The following QRICH1 variants were observed in gnomAD, a reference collection of about 807,000 sequenced individuals.
QRICH1 encodes the protein transcriptional regulator QRICH1.
Under a neutral mutation model 87.1 loss-of-function variants are expected in QRICH1, and 16 were observed. The observed-to-expected ratio is 0.18, with a 90% CI of 0.12 to 0.28. QRICH1 has a LOEUF of 0.28. QRICH1 is among the 10% of genes least tolerant of loss of function. QRICH1 has a pLI of 1.00. For missense variants in QRICH1, 647 were observed against 951.7 expected, an observed-to-expected ratio of 0.68 and a Z score of 4.21; for synonymous variants, 367 against 368.4, an observed-to-expected ratio of 1.00 and a Z score of 0.05.
chr3:49,069,861 G>GTT (rs1343662472), intron 2 of QRICH1, among the ~76,000 whole-genome samples: 2 of 152,058 alleles, frequency 1.3e-5, no homozygotes, highest in Non-Finnish European at 2.9e-5. Context: ...AATGTGAGCT[G>GTT]TAAGTATACA....
In QRICH1 at chr3:49,069,542, A is replaced by AT. The variant is rs1207477854; in HGVS notation, c.309+7166_309+7167insA. Among the ~76,000 whole-genome samples, 577 of 109,384 alleles carry AT rather than the reference A, an allele frequency of 5.3e-3. 2 individuals are homozygous for AT. The highest frequency in any genetic ancestry group is 7.2e-3 in the Non-Finnish European group (403 of 55,638). The allele number at this position is 109,384 out of a possible 152,430, so 71.8% of individuals were successfully genotyped here. ...GCGAAAATACAGATCCATGGGGGGG[A>AT]ATTTTTTTTTTTTTTTTTTTTTTGA... is the stretch of plus-strand genomic sequence containing the variant. On this transcript the variant is annotated intron_variant, in intron 2 of 9. Transcript: ENST00000395443.
intron 3 of QRICH1, 41 bp from the exon 4 acceptor site, chr3:49,047,287 A>G (rs371423749): frequency 4.4e-5 from 69 of 1,552,638 alleles, no homozygotes; most frequent in Non-Finnish European, 5.4e-5. Flanking sequence ...ATATTGTTTT[A>G]TATTAGATCC....
At chr3:49,032,094 C>T (rs1457108898) in intron 9 of QRICH1, 89 bp downstream of exon 9, 8 of 1,084,888 alleles carry the variant, frequency 7.4e-6, no homozygotes, top group Non-Finnish European at 1.1e-5. Flanking sequence ...GAATGCCTCT[C>T]CCCTATGATA....
chr3:49,035,962 C>T (rs955431295), intron 6 of QRICH1, among the ~76,000 whole-genome samples: 1 of 151,186 alleles, frequency 6.6e-6, no homozygotes, highest in African/African-American at 2.4e-5. Context: ...TATGCACCTG[C>T]AGTCCCAGCT....
intron 6 of QRICH1, among the ~76,000 whole-genome samples, chr3:49,035,388 A>C (rs1575322200): frequency 1.3e-5 from 2 of 152,298 alleles, no homozygotes; most frequent in Admixed American, 1.3e-4. Flanking sequence ...TTCTTAAAAA[A>C]ATAATTTTTC....
At chr3:49,052,575 G>A (rs550960691) in intron 3 of QRICH1, among the ~76,000 whole-genome samples, 212 of 152,140 alleles carry the variant, frequency 1.4e-3, no homozygotes, top group African/African-American at 4.9e-3. Context: ...GCGCGATCTC[G>A]GCTCACTGCA....
chr3:49,066,926 G>A (rs915651065), intron 2 of QRICH1, among the ~76,000 whole-genome samples: 8 of 151,590 alleles, frequency 5.3e-5, no homozygotes, highest in East Asian at 3.9e-4. Flanking sequence ...TAATCCCAGC[G>A]ACTCAGGAGG....
chr3:49,069,987 G>A (rs1220297908), intron 2 of QRICH1, among the ~76,000 whole-genome samples: 1 of 151,626 alleles, frequency 6.6e-6, no homozygotes, highest in Admixed American at 6.6e-5. Flanking sequence ...GGCACTCTAA[G>A]AACTGCCCCA....
At position 49,057,189 on chromosome 3, in the gene QRICH1, G is replaced by A; in HGVS notation, c.1011C>T (p.Tyr337=). 3 of 1,614,226 alleles carry A rather than the reference G, an allele frequency of 1.9e-6. No homozygotes were observed. The highest frequency in any genetic ancestry group is 2.5e-6 in the Non-Finnish European group (3 of 1,180,044). The change falls in exon 3 of 10, where the codon TAC becomes TAT. Residue 337 remains tyrosine, a synonymous_variant. Transcript: ENST00000395443. The surrounding 1 kb of genome is among the most constrained non-coding windows in gnomAD (Gnocchi z 5.4). ...GTGAGCCACTGACGTGAACTGCGTTGTAGGCTTCCTGGGGAATGGCAATGT... is the reference window on the plus strand; with the variant it reads ...GTGAGCCACTGACGTGAACTGCGTTATAGGCTTCCTGGGGAATGGCAATGT... ...ITHIAIPQEA[Y]NAVHVSGSPT... is the part of the protein sequence containing the mutation.
At chr3:49,055,580 C>T (rs2093396468) in intron 3 of QRICH1, among the ~76,000 whole-genome samples, 1 of 152,210 alleles carries the variant, frequency 6.6e-6, no homozygotes, top group South Asian at 2.1e-4. Context: ...CCAGGCTGAT[C>T]TCAAACTCCT....
At chr3:49,050,623 C>A (rs1217039847) in intron 3 of QRICH1, among the ~76,000 whole-genome samples, 3 of 151,992 alleles carry the variant, frequency 2.0e-5, no homozygotes, top group Non-Finnish European at 2.9e-5. Flanking sequence ...ATTCAATCTG[C>A]AGCGTTGTGA....
chr3:49,061,254 C>T (rs1336841464), intron 2 of QRICH1, among the ~76,000 whole-genome samples: 2 of 150,478 alleles, frequency 1.3e-5, no homozygotes, highest in African/African-American at 4.9e-5. Flanking sequence ...TTCCACAAAA[C>T]GAGTCCCTGG....
chr3:49,091,092 G>C (rs1309876104), intron 1 of QRICH1, among the ~76,000 whole-genome samples: 2 of 151,968 alleles, frequency 1.3e-5, no homozygotes, highest in African/African-American at 4.8e-5. Flanking sequence ...GCATGGTGGC[G>C]GGAGCCTGCA....
intron 6 of QRICH1, among the ~76,000 whole-genome samples, chr3:49,041,446 G>C (rs1445372065): frequency 6.6e-6 from 1 of 151,864 alleles, no homozygotes; most frequent in Admixed American, 6.6e-5. Context: ...TCTCACCATG[G>C]CCTCCCGAAA....
chr3:49,088,012 C>T (rs1283165582), intron 1 of QRICH1, among the ~76,000 whole-genome samples: 1 of 150,228 alleles, frequency 6.7e-6, no homozygotes, highest in Non-Finnish European at 1.5e-5. Context: ...AATGCAGTGG[C>T]ACAATCTCGG....
At chr3:49,065,818 C>A (rs1311834038) in intron 2 of QRICH1, among the ~76,000 whole-genome samples, 2 of 151,990 alleles carry the variant, frequency 1.3e-5, no homozygotes, top group Non-Finnish European at 2.9e-5. Context: ...GTAGCTGGGA[C>A]TACAGGCACC....
In QRICH1 at chr3:49,047,177, G is replaced by C. The variant is rs1444838806; in HGVS notation, c.1408C>G (p.Pro470Ala). 1 of 1,614,052 alleles carries C rather than the reference G, an allele frequency of 6.2e-7. No individual in the cohort carries two copies. The highest frequency in any genetic ancestry group is 1.7e-5 in the Admixed American group (1 of 59,988). ...QPQPSPELLL[P>A]NSLKPEEGLE... Reference sequence around the variant, plus strand: ...CCTTCTTCTGGCTTCAAAGAATTTGGAAGCAGAAGTTCTGGGGAAGGCTGT... The same window carrying C: ...CCTTCTTCTGGCTTCAAAGAATTTGCAAGCAGAAGTTCTGGGGAAGGCTGT... Residue 470 changes from proline (P) to alanine (A), a missense_variant, in exon 4 of 10, where the codon CCA becomes GCA. Pro to Ala is a conservative substitution (Grantham distance 27). Around this residue, in one of 7 missense-constraint regions of QRICH1, gnomAD observed 187 missense variants for 309.5 expected, o/e 0.60. Coordinates refer to ENST00000395443, the MANE Select transcript of QRICH1 (RefSeq NM_198880.3).
In QRICH1 at chr3:49,046,317, A is replaced by G. The variant is rs559781953; in HGVS notation, c.1671+108T>C. 2,301 of 1,252,634 alleles carry G rather than the reference A, an allele frequency of 1.8e-3. 4 individuals are homozygous for G. Among genetic ancestry groups the G allele is most frequent in the Non-Finnish European group, 2.3e-3 (2,073 of 904,524 alleles). 77.6% of individuals were successfully genotyped at this position (1,252,634 alleles called of 1,614,324 possible). On this transcript the variant is annotated intron_variant, in intron 5 of 9. Coordinates refer to ENST00000395443, the MANE Select transcript of QRICH1 (RefSeq NM_198880.3). ...TTTTAAAACTCACTGTATACCTGAA[A>G]GAGAACTTCCTTATTTTAACTTCTT...
intron 1 of QRICH1, among the ~76,000 whole-genome samples, chr3:49,090,275 C>T (rs1185558414): frequency 6.6e-6 from 1 of 152,102 alleles, no homozygotes; most frequent in Non-Finnish European, 1.5e-5. Flanking sequence ...CTGGCTAACA[C>T]GGTGAAACCC....
Sources: gnomAD v4.1 joint callset for allele counts (sites outside exome capture counted in the v4.1 genomes callset) on GRCh38, gnomAD v4.1.1 for gene constraint, gnomAD v4.1.1 regional missense constraint, Gnocchi (gnomAD v3.1) non-coding constraint, MANE v1.5 for transcripts, NCBI Gene and HGNC (gene_info 2026-07-23, HGNC 2026-07-21) for gene names.